Variants in CPQ observed in about 807,000 individuals in gnomAD.
CPQ encodes Ser-Met dipeptidase.
In CPQ, 37 loss-of-function variants were observed where a neutral mutation model predicts 45.7. That is an observed-to-expected ratio of 0.81 (90% confidence interval 0.62 to 1.07). CPQ has a LOEUF of 1.07. CPQ is among the 50% of genes least tolerant of loss of function. CPQ has a pLI of 0.00. For synonymous variants in CPQ, 186 were observed against 205.8 expected (o/e 0.90, Z 0.82); for missense variants, 537 against 572.9 (o/e 0.94, Z 0.64).
At chr8:96,796,918 C>T (rs1177201712) in intron 2 of CPQ, among the ~76,000 whole-genome samples, 1 of 152,166 alleles carries the variant, frequency 6.6e-6, no homozygotes, top group Non-Finnish European at 1.5e-5. Flanking sequence ...ATTAGCATCT[C>T]CTCTAACTGG....
At chr8:97,112,745 A>T (rs887032264) in intron 7 of CPQ, among the ~76,000 whole-genome samples, 4 of 152,180 alleles carry the variant, frequency 2.6e-5, no homozygotes, top group Admixed American at 6.5e-5. Context: ...GGGAAGACAG[A>T]GGAGACATGA....
At chr8:97,056,107 C>G (rs1810452054) in intron 6 of CPQ, among the ~76,000 whole-genome samples, 1 of 151,680 alleles carries the variant, frequency 6.6e-6, no homozygotes. Flanking sequence ...TCAAAACACA[C>G]ACACACACAC....
rs182360879 is a variant in CPQ, at chr8:96,939,849, G to A, written c.850-26086G>A. 1.7e-3 allele frequency among the ~76,000 whole-genome samples: 253 copies of A among 152,166 alleles called. 3 individuals carry two copies. The highest frequency in any genetic ancestry group is 0.013 in the Admixed American group (195 of 15,262). On this transcript the variant is annotated intron_variant, in intron 4 of 7. Coordinates refer to ENST00000220763, the MANE Select transcript of CPQ (RefSeq NM_016134.4). ...TATATACCTAGGAGTGGAATTTCTGGGTCACGAGGTTTACACATACTTGGC... is the reference window on the plus strand; with the variant it reads ...TATATACCTAGGAGTGGAATTTCTGAGTCACGAGGTTTACACATACTTGGC...
intron 4 of CPQ, among the ~76,000 whole-genome samples, chr8:96,945,671 A>T (rs1311036412): frequency 6.6e-6 from 1 of 151,956 alleles, no homozygotes; most frequent in Non-Finnish European, 1.5e-5. Flanking sequence ...TGGAAGAATT[A>T]CAACATATTT....
intron 1 of CPQ, among the ~76,000 whole-genome samples, chr8:96,780,664 T>TCTTC (rs940138797): frequency 8.1e-4 from 123 of 152,114 alleles, no homozygotes; most frequent in African/African-American, 2.8e-3. Context: ...TTTCAATTTG[T>TCTTC]CTTCCTTCCT....
At chr8:96,915,941 A>G (rs1812727349) in intron 4 of CPQ, among the ~76,000 whole-genome samples, 2 of 152,166 alleles carry the variant, frequency 1.3e-5, no homozygotes, top group Non-Finnish European at 2.9e-5. Context: ...AGGTGATCAC[A>G]TGATTCAGTT....
At position 96,856,051 on chromosome 8, in the gene CPQ, A is replaced by G. The variant is rs114402504; in HGVS notation, c.641+20871A>G. Among the ~76,000 whole-genome samples, 288 of 152,342 alleles carry G rather than the reference A, an allele frequency of 1.9e-3. 2 individuals are homozygous for G. The highest frequency in any genetic ancestry group is 6.5e-3 in the African/African-American group (271 of 41,578). ...ACTGAGCAAGGGAGAGAAAGGTCAG[A>G]GAGGTGAGCAGAGAGGTTGGCAGGG... On this transcript the variant is annotated intron_variant, in intron 3 of 7. Coordinates refer to ENST00000220763, the MANE Select transcript of CPQ (RefSeq NM_016134.4).
chr8:96,778,033 A>G (rs1810639382), intron 1 of CPQ, among the ~76,000 whole-genome samples: 1 of 151,220 alleles, frequency 6.6e-6, no homozygotes, highest in African/African-American at 2.4e-5. Context: ...CGGCCAGGAA[A>G]GAACTTTTTA....
intron 1 of CPQ, among the ~76,000 whole-genome samples, chr8:96,742,000 G>A (rs1416781259): frequency 1.4e-5 from 2 of 144,666 alleles, no homozygotes; most frequent in African/African-American, 5.2e-5. Flanking sequence ...TCCGCTTGGT[G>A]CAGAGCTGAG....
intron 6 of CPQ, among the ~76,000 whole-genome samples, chr8:97,064,983 AT>A (rs1810613737): frequency 6.6e-6 from 1 of 152,144 alleles, no homozygotes; most frequent in African/African-American, 2.4e-5. Context: ...TGCTTTGTCT[AT>A]TTTATGAGTT....
chr8:96,749,143 A>G (rs1810227277), intron 1 of CPQ, among the ~76,000 whole-genome samples: 1 of 152,122 alleles, frequency 6.6e-6, no homozygotes, highest in African/African-American at 2.4e-5. Flanking sequence ...TTTATGTTCC[A>G]TAATTGATGT....
intron 5 of CPQ, among the ~76,000 whole-genome samples, chr8:97,003,526 G>A (rs181672493): frequency 2.6e-5 from 4 of 152,246 alleles, no homozygotes; most frequent in African/African-American, 9.6e-5. Context: ...GCTGTAATCA[G>A]CTGTGGTGTA....
chr8:97,138,025 C>T (rs1812094183), intron 7 of CPQ, among the ~76,000 whole-genome samples: 1 of 152,220 alleles, frequency 6.6e-6, no homozygotes, highest in African/African-American at 2.4e-5. Flanking sequence ...TGTTTACTCA[C>T]CTTCGTAGTT....
chr8:96,751,492 T>G (rs1034495405), intron 1 of CPQ, among the ~76,000 whole-genome samples: 1 of 152,210 alleles, frequency 6.6e-6, no homozygotes, highest in Non-Finnish European at 1.5e-5. Flanking sequence ...TTGTTTAATT[T>G]TTTCTTGTAA....
At chr8:96,884,280 C>A (rs1812270626) in intron 4 of CPQ, among the ~76,000 whole-genome samples, 1 of 152,158 alleles carries the variant, frequency 6.6e-6, no homozygotes, top group African/African-American at 2.4e-5. Flanking sequence ...AAAAAAAATT[C>A]TGTTCCTACC....
chr8:97,006,778 T>C (rs548540216), intron 5 of CPQ, among the ~76,000 whole-genome samples: 93 of 152,320 alleles, frequency 6.1e-4, no homozygotes, highest in African/African-American at 2.2e-3. Context: ...AACCGACTTA[T>C]CTGGTCACAG....
chr8:96,802,897 C>T (rs1811024796), intron 2 of CPQ, among the ~76,000 whole-genome samples: 1 of 151,974 alleles, frequency 6.6e-6, no homozygotes, highest in African/African-American at 2.4e-5. Context: ...TAAGAATTAT[C>T]CTACGAAGAC....
intron 4 of CPQ, among the ~76,000 whole-genome samples, chr8:96,916,330 A>G (rs918637717): frequency 2.0e-5 from 3 of 152,204 alleles, no homozygotes; most frequent in Non-Finnish European, 4.4e-5. Context: ...AGAAAGTTCC[A>G]GTATTCAATG....
At chr8:96,908,107 C>CGTGTGTGTGTGTGTGTGTGTGTGTGT (rs35548556) in intron 4 of CPQ, among the ~76,000 whole-genome samples, 2 of 145,708 alleles carry the variant, frequency 1.4e-5, no homozygotes, top group African/African-American at 5.1e-5. Context: ...CCCACTGCAA[C>CGTGTGTGTGTGTGTGTGTGTGTGTGT]GTGTGTGTGT....
Sources: gnomAD v4.1 joint callset for allele counts (sites outside exome capture counted in the v4.1 genomes callset) on GRCh38, gnomAD v4.1.1 for gene constraint, MANE v1.5 for transcripts, NCBI Gene and HGNC (gene_info 2026-07-23, HGNC 2026-07-21) for gene names.